Variants in TEX11 observed in about 807,000 individuals in gnomAD.
TEX11 encodes the protein testis-expressed protein 11.
In TEX11, 7 loss-of-function variants were observed where a neutral mutation model predicts 84.4. That is an observed-to-expected ratio of 0.08 (90% CI 0.05 to 0.16). The LOEUF (loss-of-function observed/expected upper bound fraction) is 0.16. Among genes scored for constraint, TEX11 ranks in the 10% least tolerant of loss-of-function variants. TEX11 has a pLI of 1.00. For missense variants in TEX11, 551 were observed against 660.5 expected (o/e 0.83, Z 1.82); for synonymous variants, 264 against 222.8 (o/e 1.18, Z -1.64).
At chrX:70,895,871 T>C (rs1370462860) in intron 2 of TEX11, among the ~76,000 whole-genome samples, 1 of 111,603 alleles carries the variant, frequency 9.0e-6, no homozygotes, top group Non-Finnish European at 1.9e-5. Flanking sequence ...AAAAATTAAC[T>C]CAAGATGGAT....
At chrX:70,733,747 G>A (rs1045733706) in intron 11 of TEX11, among the ~76,000 whole-genome samples, 30 of 111,702 alleles carry the variant, frequency 2.7e-4, no homozygotes, top group East Asian at 1.4e-3. Flanking sequence ...TCAGTGTGGC[G>A]ATTCCTCAGG....
chrX:70,767,169 T>C (rs1169255161), intron 9 of TEX11, among the ~76,000 whole-genome samples: 1 of 111,160 alleles, frequency 9.0e-6, no homozygotes, highest in African/African-American at 3.3e-5. Flanking sequence ...ATAAACAAAA[T>C]GAAGAGACGA....
the TEX11 span, among the ~76,000 whole-genome samples, chrX:70,513,183 G>C: frequency 1.9e-5 from 2 of 106,894 alleles, no homozygotes; most frequent in Admixed American, 2.0e-4. Context: ...GAGAAACCCC[G>C]TCTCTACTAA....
At chrX:70,516,837 A>G in the TEX11 span, among the ~76,000 whole-genome samples, 1 of 110,914 alleles carries the variant, frequency 9.0e-6, no homozygotes, top group African/African-American at 3.3e-5. Context: ...GTTCCTTCAC[A>G]TCCCTTGTAA....
intron 25 of TEX11, among the ~76,000 whole-genome samples, chrX:70,578,571 G>A (rs191548012): frequency 9.0e-6 from 1 of 111,020 alleles, no homozygotes; most frequent in Admixed American, 9.7e-5. Context: ...CTATGTCTAT[G>A]TGTCTACAAC....
intron 24 of TEX11, among the ~76,000 whole-genome samples, chrX:70,594,666 G>T (rs955040566): frequency 1.8e-5 from 2 of 111,165 alleles, no homozygotes; most frequent in Non-Finnish European, 3.8e-5. Flanking sequence ...ACCTTGAATT[G>T]TAGTTCCCAT....
chrX:70,630,560 T>C (rs1472668630), intron 17 of TEX11, among the ~76,000 whole-genome samples: 1 of 110,212 alleles, frequency 9.1e-6, no homozygotes, highest in Non-Finnish European at 1.9e-5. Context: ...GGGAGATAAA[T>C]GTAATCATAA....
chrX:70,706,457 T>C (rs1477038520), intron 13 of TEX11, among the ~76,000 whole-genome samples: 1 of 110,450 alleles, frequency 9.1e-6, no homozygotes, highest in Admixed American at 9.6e-5. Context: ...AAAGTATATA[T>C]AAAAAAAGAT....
At chrX:70,747,222 G>A (rs2090774060) in intron 9 of TEX11, among the ~76,000 whole-genome samples, 1 of 112,050 alleles carries the variant, frequency 8.9e-6, no homozygotes, top group African/African-American at 3.2e-5. Flanking sequence ...AGGAAAGGAT[G>A]AAAAAATCTA....
At chrX:70,651,383 G>A (rs1448327740) in intron 17 of TEX11, 67 bp downstream of exon 17, 2 of 727,685 alleles carry the variant, frequency 2.7e-6, no homozygotes, top group Non-Finnish European at 4.1e-6. Context: ...TTTTCCCACT[G>A]TGGTTGAAGA....
At chrX:70,665,596 A>G (rs960802734) in intron 16 of TEX11, among the ~76,000 whole-genome samples, 2 of 112,085 alleles carry the variant, frequency 1.8e-5, no homozygotes, top group Non-Finnish European at 3.8e-5. Flanking sequence ...TATACAATTT[A>G]GAAAACAAAC....
chrX:70,522,387 A>G, the TEX11 span, among the ~76,000 whole-genome samples: 1 of 112,286 alleles, frequency 8.9e-6, no homozygotes, highest in Admixed American at 9.5e-5. Context: ...GTATGCATTA[A>G]TTGTTAGTTT....
chrX:70,757,568 T>C (rs1391445540), intron 9 of TEX11, among the ~76,000 whole-genome samples: 1 of 111,853 alleles, frequency 8.9e-6, no homozygotes, highest in East Asian at 2.8e-4. Flanking sequence ...GACAAGTAAA[T>C]GCTGAGACAT....
intron 20 of TEX11, among the ~76,000 whole-genome samples, chrX:70,619,557 G>C (rs1246114309): frequency 1.8e-5 from 2 of 111,697 alleles, no homozygotes; most frequent in Non-Finnish European, 3.8e-5. Context: ...TATGTAGTAA[G>C]GGAAATCCAA....
chrX:70,722,660 T>A lies in TEX11; in HGVS notation c.962A>T (p.Asp321Val). ...CAGTTTAGCAATGTTCAGACAGAAG[T>A]CTAAGGGCATGTCAAGATGTAGTAT... is the stretch of plus-strand genomic sequence containing the variant. ...MEILHLDMPL[D>V]FCLNIAKLLM... The change falls in exon 13 of 30, where the codon GAC becomes GTC. Residue 321 changes from aspartate (D) to valine (V), a missense_variant. By Grantham distance (152) the Asp-to-Val change is radical (BLOSUM62 -3). Transcript: ENST00000374333. 1.7e-6 allele frequency: 2 copies of A among 1,204,249 alleles called. No homozygotes were observed. Among genetic ancestry groups the A allele is most frequent in the Admixed American group, 4.4e-5 (2 of 45,821 alleles).
chrX:70,684,124 G>A (rs1925232), intron 13 of TEX11, among the ~76,000 whole-genome samples: 31,705 of 110,538 alleles, frequency 0.29, 3,404 homozygotes, highest in Admixed American at 0.41. Flanking sequence ...TCCTATATAC[G>A]GAAGACTCTA....
chrX:70,528,675 A>G (rs1189083539), downstream of TEX11, among the ~76,000 whole-genome samples: 1 of 111,024 alleles, frequency 9.0e-6, no homozygotes, highest in African/African-American at 3.3e-5. Context: ...AGGATGTTAG[A>G]GAGAGATTTC....
At chrX:70,541,857 TA>T (rs1448874497) in intron 28 of TEX11, among the ~76,000 whole-genome samples, 2 of 112,397 alleles carry the variant, frequency 1.8e-5, no homozygotes, top group East Asian at 5.6e-4. Context: ...AATTTTGATT[TA>T]AAAAAACTTG....
intron 17 of TEX11, among the ~76,000 whole-genome samples, chrX:70,643,337 C>A (rs1603184969): frequency 1.0e-5 from 1 of 98,210 alleles, no homozygotes; most frequent in East Asian, 3.3e-4. Flanking sequence ...TGAAAATGGC[C>A]ATACTGCCCA....
Sources: allele counts gnomAD v4.1 joint callset (sites outside exome capture counted in the v4.1 genomes callset), GRCh38; gene constraint gnomAD v4.1.1; transcripts MANE v1.5; gene names NCBI Gene and HGNC (gene_info 2026-07-23, HGNC 2026-07-21).